The following AFG3L2 variants were observed in gnomAD, a reference collection of about 807,000 sequenced individuals.
The protein encoded by AFG3L2 is AFG3 like matrix AAA peptidase subunit 2.
A neutral mutation model predicts 94.5 loss-of-function variants in AFG3L2; 54 were observed. The observed-to-expected ratio is 0.57, with a 90% confidence interval of 0.46 to 0.72. AFG3L2 has a LOEUF of 0.72. AFG3L2 is among the 30% of genes least tolerant of loss of function. The pLI, the probability that AFG3L2 is intolerant of heterozygous loss-of-function variation, is 0.00. For missense variants in AFG3L2, 754 were observed against 994.9 expected (o/e 0.76, Z 3.26); for synonymous variants, 377 against 365.5 (o/e 1.03, Z -0.36).
chr18:12,337,228 T>G, intron 16 of AFG3L2, 113 bp downstream of exon 16: 1 of 942,532 alleles, frequency 1.1e-6, no homozygotes, highest in South Asian at 1.3e-5. Context: ...GACCCATGGG[T>G]GAGCCAGAGA....
At chr18:12,333,066 TATTATATAACTATTATATAATA>T (rs1907615055) in intron 16 of AFG3L2, among the ~76,000 whole-genome samples, 2 of 5,060 alleles carry the variant, frequency 4.0e-4, no homozygotes, top group East Asian at 0.014. Flanking sequence ...GATTATAATC[TATTATATAACTATTATATAATA>T]GATTATAATC....
rs888743319 is a variant in AFG3L2, at chr18:12,329,506, G to A, written c.*59C>T. On this transcript the variant is annotated 3_prime_UTR_variant, in exon 17 of 17. Coordinates refer to ENST00000269143, the MANE Select transcript of AFG3L2 (RefSeq NM_006796.3). ...TCCCATTCTTCTGAAAGCCACAGCT[G>A]AAATAATGCACCAGCTGAAACCACA... 1.3e-5 allele frequency: 20 copies of A among 1,541,146 alleles called. No individual in the cohort carries two copies. Among genetic ancestry groups the A allele is most frequent in the Non-Finnish European group, 1.7e-5 (19 of 1,115,200 alleles).
At position 12,371,574 on chromosome 18, in the gene AFG3L2, C is replaced by A. The variant is rs771734536; in HGVS notation, c.214+18G>T. On this transcript the variant is annotated intron_variant, in intron 2 of 16. Transcript: ENST00000269143. ...AACCTAAGAATGTAGAACACTACAG[C>A]CACACCTAAGCATTTACCTTTTGGG... is the stretch of plus-strand genomic sequence containing the variant. 5 of 1,606,234 alleles carry A rather than the reference C, an allele frequency of 3.1e-6. No homozygotes were observed. Among genetic ancestry groups the A allele is most frequent in the Admixed American group, 1.7e-5 (1 of 59,970 alleles).
At position 12,367,948 on chromosome 18, in the gene AFG3L2, AC is replaced by A. The variant is rs754766234; in HGVS notation, c.293-567del. 8.4e-4 allele frequency among the ~76,000 whole-genome samples: 128 copies of A among 152,102 alleles called. 1 individual carries two copies. Among genetic ancestry groups the A allele is most frequent in the Non-Finnish European group, 1.7e-3 (113 of 68,022 alleles). On this transcript the variant is annotated intron_variant, in intron 3 of 16. Coordinates refer to ENST00000269143, the MANE Select transcript of AFG3L2 (RefSeq NM_006796.3). ...CTTTGGGAGGCCAAGGTGGGCGATC[AC>A]CTGAGGTCGGGAGTTTGAGACCAGC...
At chr18:12,331,813 ATATATATATATATATATAT>A (rs1568131363) in intron 16 of AFG3L2, among the ~76,000 whole-genome samples, 12 of 3,024 alleles carry the variant, frequency 4.0e-3, no homozygotes, top group African/African-American at 5.4e-3. Context: ...AAATAAATAT[ATATATATATATATATATAT>A]ATATATATAT....
chr18:12,376,811 G>T (rs1442468621), intron 1 of AFG3L2, among the ~76,000 whole-genome samples, 158 bp downstream of exon 1: 1 of 152,232 alleles, frequency 6.6e-6, no homozygotes, highest in African/African-American at 2.4e-5. Flanking sequence ...GGCGCTCCCG[G>T]GGCCGGCTGA....
At position 12,350,969 on chromosome 18, in the gene AFG3L2, T is replaced by C. The variant is rs889038164; in HGVS notation, c.1552+116A>G. ...CTCAAAAAAAATAAAAATGAGAATA[T>C]AAACTTAGGAAGCCCACAGTAAAGA... On this transcript the variant is annotated intron_variant, in intron 12 of 16. Transcript: ENST00000269143. 3.3e-5 allele frequency: 46 copies of C among 1,390,076 alleles called. No homozygotes were observed. The African/African-American group carries it at 5.7e-4, about 17-fold the overall frequency. 86.1% of individuals were successfully genotyped at this position (1,390,076 alleles called of 1,614,324 possible). A position where few individuals can be genotyped will look rare whatever the true frequency, so the allele number is the denominator to read the frequency against.
intron 16 of AFG3L2, chr18:12,337,030 TAGG>T: frequency 1.8e-6 from 1 of 555,486 alleles, no homozygotes; most frequent in Non-Finnish European, 3.2e-6. Flanking sequence ...TGCTTCTCAT[TAGG>T]AGTACTGTGA....
At chr18:12,333,556 G>T (rs1316483020) in intron 16 of AFG3L2, among the ~76,000 whole-genome samples, 21 of 151,242 alleles carry the variant, frequency 1.4e-4, no homozygotes, top group Non-Finnish European at 8.8e-5. Flanking sequence ...GTACAAACAG[G>T]GTTTCACCAT....
chr18:12,361,031 C>CT (rs1163499976), intron 6 of AFG3L2, among the ~76,000 whole-genome samples: 3 of 152,260 alleles, frequency 2.0e-5, no homozygotes, highest in Admixed American at 6.5e-5. Context: ...CTGCAATCAT[C>CT]TTTTTTTAGA....
intron 1 of AFG3L2, among the ~76,000 whole-genome samples, chr18:12,375,315 CAA>C (rs1221076350): frequency 7.1e-6 from 1 of 141,098 alleles, no homozygotes; most frequent in Non-Finnish European, 1.5e-5. Flanking sequence ...GCAATGCAAT[CAA>C]AACTCACTGG....
In AFG3L2 at chr18:12,329,467, A is replaced by T. The variant is rs951686367; in HGVS notation, c.*98T>A. The T allele has an allele frequency of 5.0e-5, 66 of 1,317,514 alleles. 1 individual carries two copies. Among genetic ancestry groups the T allele is most frequent in the Non-Finnish European group, 6.8e-5 (62 of 912,696 alleles). The allele number at this position is 1,317,514 out of a possible 1,614,324, so 81.6% of individuals were successfully genotyped here. ...TTCAGCTGGGCCAGTGGCTGGCTAA[A>T]ATCAGCGCAGCATTCCCATTCTTCT... On this transcript the variant is annotated 3_prime_UTR_variant, in exon 17 of 17. Transcript: ENST00000269143.
At chr18:12,337,168 T>C (rs763849086) in intron 16 of AFG3L2, 173 bp downstream of exon 16, 50 of 675,908 alleles carry the variant, frequency 7.4e-5, no homozygotes, top group Non-Finnish European at 8.0e-6. Context: ...CTCACCACAT[T>C]GCAACCCCCG....
chr18:12,361,226 T>C (rs1259104421), intron 6 of AFG3L2, among the ~76,000 whole-genome samples: 14 of 152,056 alleles, frequency 9.2e-5, no homozygotes, highest in African/African-American at 3.1e-4. Context: ...AAAAATTAGC[T>C]AGGCATGGTG....
At chr18:12,369,747 T>C (rs1481660373) in intron 3 of AFG3L2, among the ~76,000 whole-genome samples, 2 of 144,334 alleles carry the variant, frequency 1.4e-5, no homozygotes, top group Non-Finnish European at 3.0e-5. Context: ...TACAGTTTTC[T>C]TTACATTTCC....
At chr18:12,331,901 A>G (rs1204839040) in intron 16 of AFG3L2, among the ~76,000 whole-genome samples, 2 of 113,876 alleles carry the variant, frequency 1.8e-5, no homozygotes, top group African/African-American at 6.0e-5. Context: ...AGGAAGGTTA[A>G]TGTGACAGTA....
intron 3 of AFG3L2, among the ~76,000 whole-genome samples, chr18:12,370,320 C>A (rs373064226): frequency 6.6e-6 from 1 of 152,132 alleles, no homozygotes; most frequent in Non-Finnish European, 1.5e-5. Flanking sequence ...CAGACAATAC[C>A]TCTAAGGTAG....
At chr18:12,343,811 T>C (rs573319401) in intron 14 of AFG3L2, 2 of 426,816 alleles carry the variant, frequency 4.7e-6, no homozygotes, top group Admixed American at 3.6e-5. Context: ...CACTGTAGTG[T>C]GGAGATTATG....
intron 14 of AFG3L2, chr18:12,341,303 T>C (rs1255376947): frequency 6.6e-6 from 1 of 152,188 alleles, no homozygotes; most frequent in East Asian, 1.9e-4. Context: ...ATGACATATA[T>C]GGTAAAATGC....
Sources: gnomAD v4.1 joint callset for allele counts (sites outside exome capture counted in the v4.1 genomes callset) on GRCh38, gnomAD v4.1.1 for gene constraint, MANE v1.5 for transcripts, NCBI Gene and HGNC (gene_info 2026-07-23, HGNC 2026-07-21) for gene names.